The following EME2 variants were observed in gnomAD, a reference collection of about 807,000 sequenced individuals.
EME2 encodes structure-specific endonuclease subunit EME2.
EME2 carries 58 observed loss-of-function variants against 41.9 expected under a neutral mutation model. The ratio of observed to expected loss-of-function variants is 1.38; its 90% CI spans 1.12 to 1.72. The LOEUF (loss-of-function observed/expected upper bound fraction) is 1.72, where lower values mean the gene tolerates loss of function less well. EME2 is among the 40% of genes most tolerant of loss of function. The pLI, the probability that EME2 is intolerant of heterozygous loss-of-function variation, is 0.00. For missense variants in EME2, 695 were observed against 541.9 expected, an observed-to-expected ratio of 1.28 and a Z score of -2.81; for synonymous variants, 334 against 239.3, an observed-to-expected ratio of 1.40 and a Z score of -3.65.
Position 1,778,226 on chromosome 16 carries a change from C to T in EME2, c.*1988C>T, listed in dbSNP as rs1292747451. ...TTGGTGCCCCGGATGGCCGCTGTGCCGCAGCTGTACTCCATGTGGAAGCTG... is the reference window on the plus strand; with the variant it reads ...TTGGTGCCCCGGATGGCCGCTGTGCTGCAGCTGTACTCCATGTGGAAGCTG... On this transcript the variant is annotated 3_prime_UTR_variant, in exon 8 of 8. Transcript: ENST00000568449. The T allele has an allele frequency of 1.2e-6, 2 of 1,612,840 alleles. No individual in the cohort carries two copies. Among genetic ancestry groups the T allele is most frequent in the Non-Finnish European group, 1.7e-6 (2 of 1,179,978 alleles).
chr16:1,773,317 C>T lies in EME2; in HGVS notation c.90C>T (p.Thr30=). Reference sequence around the variant, plus strand: ...GGAGCGGTCAGCGGCGACCTCCAACCTGGGAGATCTCAGACTCCGACGCTG... The same window carrying T: ...GGAGCGGTCAGCGGCGACCTCCAACTTGGGAGATCTCAGACTCCGACGCTG... ...RGGSGQRRPP[T]WEISDSDAED... is the part of the protein sequence containing the mutation. The change falls in exon 1 of 8, where the codon ACC becomes ACT. Residue 30 remains threonine, a synonymous_variant. Coordinates refer to ENST00000568449, the MANE Select transcript of EME2 (RefSeq NM_001257370.2). The T allele has an allele frequency of 6.6e-7, 1 of 1,506,862 alleles. No individual in the cohort carries two copies. The allele number at this position is 1,506,862 out of a possible 1,614,324, so 93.3% of individuals were successfully genotyped here.
In EME2 at chr16:1,776,335, C is replaced by A; in HGVS notation, c.*97C>A. ...CCCCCAGCCACATGTGGACCCTCAG[C>A]CTGGGTGGGTTCTCTGGCTGAGCAG... On this transcript the variant is annotated 3_prime_UTR_variant, in exon 8 of 8. Coordinates refer to ENST00000568449, the MANE Select transcript of EME2 (RefSeq NM_001257370.2). The A allele has an allele frequency of 7.6e-7, 1 of 1,318,166 alleles. No homozygotes were observed. Among genetic ancestry groups the A allele is most frequent in the Non-Finnish European group, 1.1e-6 (1 of 939,390 alleles). The allele number at this position is 1,318,166 out of a possible 1,614,324, so 81.7% of individuals were successfully genotyped here. A position where few individuals can be genotyped will look rare whatever the true frequency, so the allele number is the denominator to read the frequency against.
Position 1,773,802 on chromosome 16 carries a change from G to A in EME2, c.345G>A (p.Leu115=). ...AGCCCCAGCGCCCGGCCCGCAGCCT[G>A]CGGTGGACCCGAGCGAGTCCCGACC... ...RIEPQRPARS[L]RWTRASPDPC... The change falls in exon 2 of 8, where the codon CTG becomes CTA. Residue 115 remains leucine, a synonymous_variant. Coordinates refer to ENST00000568449, the MANE Select transcript of EME2 (RefSeq NM_001257370.2). 1 of 1,557,100 alleles carries A rather than the reference G, an allele frequency of 6.4e-7. No homozygotes were observed. Among genetic ancestry groups the A allele is most frequent in the Admixed American group, 1.9e-5 (1 of 52,810 alleles).
Position 1,773,013 on chromosome 16 carries a change from A to T in EME2, c.-215A>T. 1 of 1,457,438 alleles carries T rather than the reference A, an allele frequency of 6.9e-7. No homozygotes were observed. 90.3% of individuals were successfully genotyped at this position (1,457,438 alleles called of 1,614,324 possible). ...CGGCCGCGTCAAGGTCTCGTAGTCC[A>T]CCGCGTAGAGCTGGGAGTCGCGCGG... On this transcript the variant is annotated 5_prime_UTR_variant, in exon 1 of 8. Transcript: ENST00000568449.
rs958183886 is a variant in EME2 at position 1,776,234 on chromosome 16, C to T, written c.1136C>T (p.Ser379Phe). Residue 379 changes from serine (S) to phenylalanine (F), a missense_variant, in exon 8 of 8, where the codon TCC (serine) becomes TTC (phenylalanine). Physicochemically the swap from Ser to Phe is radical, Grantham distance 155. Coordinates refer to ENST00000568449, the MANE Select transcript of EME2 (RefSeq NM_001257370.2). ...ANPDLLLDLG[S>F] ...CCTGATCTCCTGCTGGACCTGGGCT[C>T]CTGACCACACGTGGGACCACCAGGA... 6.2e-7 allele frequency: 1 copy of T among 1,612,420 alleles called. No homozygotes were observed. The highest frequency in any genetic ancestry group is 1.1e-5 in the South Asian group (1 of 91,068).
chr16:1,775,990 G>A lies in EME2; in HGVS notation c.969+4G>A. On this transcript the variant is annotated splice_donor_region_variant and intron_variant, in intron 7 of 7. Transcript: ENST00000568449. ...CTCCCCCCGCCTTCTGCAGCAGGTG[G>A]GCCCCTGCCTCCTCCAAGCCCTCCA... 1 of 1,607,912 alleles carries A rather than the reference G, an allele frequency of 6.2e-7. No homozygotes were observed. The highest frequency in any genetic ancestry group is 8.5e-7 in the Non-Finnish European group (1 of 1,178,886).
In EME2 at chr16:1,781,610, C is replaced by G. The variant is rs1276682989; in HGVS notation, c.*5372C>G. The G allele has an allele frequency of 8.7e-7, 1 of 1,155,486 alleles. No homozygotes were observed. The highest frequency in any genetic ancestry group is 1.6e-5 in the African/African-American group (1 of 63,880). 71.6% of individuals were successfully genotyped at this position (1,155,486 alleles called of 1,614,324 possible). ...GGGGACTGCAGGGGCCGCACCGGTG[C>G]CCAGCCAGGGCTCCAGAACGCTTCA... is the stretch of plus-strand genomic sequence containing the variant. On this transcript the variant is annotated 3_prime_UTR_variant, in exon 8 of 8. Transcript: ENST00000568449.
At position 1,778,121 on chromosome 16, in the gene EME2, C is replaced by A. The variant is rs200130779; in HGVS notation, c.*1883C>A. ...CAGGTTCCCCAGAAGCACCCTGGGC[C>A]GAAGCAACTTACCATGTCGGTGCCG... On this transcript the variant is annotated 3_prime_UTR_variant, in exon 8 of 8. Coordinates refer to ENST00000568449, the MANE Select transcript of EME2 (RefSeq NM_001257370.2). The A allele has an allele frequency of 2.3e-4, 372 of 1,612,624 alleles. 1 individual carries two copies. The highest frequency in any genetic ancestry group is 3.0e-4 in the Non-Finnish European group (354 of 1,179,740).
chr16:1,773,156 A>T lies in EME2; in HGVS notation c.-72A>T, dbSNP rs763000565. 9 of 1,401,590 alleles carry T rather than the reference A, an allele frequency of 6.4e-6. No homozygotes were observed. In the South Asian group the frequency reaches 1.4e-4, roughly 22 times the overall value. The allele number at this position is 1,401,590 out of a possible 1,614,324, so 86.8% of individuals were successfully genotyped here. ...GTCCTCAGCGGTCCGGCCGGAAGTCACCGGAAGAGGCCGGTGTCCCAGGCT... is the reference window on the plus strand; with the variant it reads ...GTCCTCAGCGGTCCGGCCGGAAGTCTCCGGAAGAGGCCGGTGTCCCAGGCT... On this transcript the variant is annotated 5_prime_UTR_variant, in exon 1 of 8. Transcript: ENST00000568449.
At chr16:1,774,532 G>A (rs927030199) in intron 3 of EME2, among the ~76,000 whole-genome samples, 180 bp downstream of exon 3, 5 of 152,240 alleles carry the variant, frequency 3.3e-5, no homozygotes, top group Non-Finnish European at 5.9e-5. Context: ...GAAAGCTCCT[G>A]GGCACCTGCG....
At position 1,781,653 on chromosome 16, in the gene EME2, C is replaced by G. The variant is rs1896718256; in HGVS notation, c.*5415C>G. 1.5e-6 allele frequency: 1 copy of G among 683,298 alleles called. No individual in the cohort carries two copies. The highest frequency in any genetic ancestry group is 2.5e-6 in the Non-Finnish European group (1 of 407,286). The allele number at this position is 683,298 out of a possible 1,614,324, so 42.3% of individuals were successfully genotyped here. A position where few individuals can be genotyped will look rare whatever the true frequency, so the allele number is the denominator to read the frequency against. On this transcript the variant is annotated 3_prime_UTR_variant, in exon 8 of 8. Coordinates refer to ENST00000568449, the MANE Select transcript of EME2 (RefSeq NM_001257370.2). ...ACGCTTCAGGAGCCCGTACCTCACT[C>G]CAGGATCTGAGCAGCTCAATAAAAC...
chr16:1,773,007 T>C lies in EME2; in HGVS notation c.-221T>C, dbSNP rs2042646992. 3 of 1,457,682 alleles carry C rather than the reference T, an allele frequency of 2.1e-6. No homozygotes were observed. The highest frequency in any genetic ancestry group is 2.7e-6 in the Non-Finnish European group (3 of 1,105,714). The allele number at this position is 1,457,682 out of a possible 1,614,324, so 90.3% of individuals were successfully genotyped here. A position where few individuals can be genotyped will look rare whatever the true frequency, so the allele number is the denominator to read the frequency against. On this transcript the variant is annotated 5_prime_UTR_variant, in exon 1 of 8. Transcript: ENST00000568449. ...AGAGAACGGCCGCGTCAAGGTCTCGTAGTCCACCGCGTAGAGCTGGGAGTC... is the reference window on the plus strand; with the variant it reads ...AGAGAACGGCCGCGTCAAGGTCTCGCAGTCCACCGCGTAGAGCTGGGAGTC...
rs749995544 is a variant in EME2, at chr16:1,773,074, G to T, written c.-154G>T. On this transcript the variant is annotated 5_prime_UTR_variant, in exon 1 of 8. Transcript: ENST00000568449. ...TGCTCCCGCAGGGCGCGCACGCGGC[G>T]GGCCAGCTCCGCGATCAGCCGCGGA... The T allele has an allele frequency of 4.2e-6, 6 of 1,413,996 alleles. No homozygotes were observed. In the African/African-American group the frequency reaches 9.1e-5, roughly 21 times the overall value. The allele number at this position is 1,413,996 out of a possible 1,614,324, so 87.6% of individuals were successfully genotyped here.
In EME2 at chr16:1,777,382, G is replaced by C. The variant is rs758311181; in HGVS notation, c.*1144G>C. On this transcript the variant is annotated 3_prime_UTR_variant, in exon 8 of 8. Coordinates refer to ENST00000568449, the MANE Select transcript of EME2 (RefSeq NM_001257370.2). ...AGCGGGTGACCTTCATGCTGCTCCGGGCCGCCGTGGAGCACACCATCGGGT... is the reference window on the plus strand; with the variant it reads ...AGCGGGTGACCTTCATGCTGCTCCGCGCCGCCGTGGAGCACACCATCGGGT... The C allele has an allele frequency of 1.3e-6, 2 of 1,597,216 alleles. No homozygotes were observed. Among genetic ancestry groups the C allele is most frequent in the South Asian group, 1.1e-5 (1 of 90,364 alleles).
In EME2 at chr16:1,779,527, A is replaced by T. The variant is rs147751468; in HGVS notation, c.*3289A>T. On this transcript the variant is annotated 3_prime_UTR_variant, in exon 8 of 8. Transcript: ENST00000568449. ...TCGAAAGCCAGCTTCAGGGCAGGAC[A>T]CTGTCCTTTCTGGAGGGGATGGCCC... 6 of 152,428 alleles carry T rather than the reference A, an allele frequency of 3.9e-5. No individual in the cohort carries two copies. Among genetic ancestry groups the T allele is most frequent in the East Asian group, 3.9e-4 (2 of 5,172 alleles). 9.4% of individuals were successfully genotyped at this position (152,428 alleles called of 1,614,324 possible).
chr16:1,777,830 C>T lies in EME2; in HGVS notation c.*1592C>T, dbSNP rs554439738. The T allele has an allele frequency of 9.9e-6, 16 of 1,612,832 alleles. 1 individual carries two copies. The highest frequency in any genetic ancestry group is 9.9e-5 in the South Asian group (9 of 91,056). Reference sequence around the variant, plus strand: ...GCCAATGATGGAGCCCTGGCCGAACCGCGATGAGAAGCTGGTCTTGTCGCC... The same window carrying T: ...GCCAATGATGGAGCCCTGGCCGAACTGCGATGAGAAGCTGGTCTTGTCGCC... On this transcript the variant is annotated 3_prime_UTR_variant, in exon 8 of 8. Coordinates refer to ENST00000568449, the MANE Select transcript of EME2 (RefSeq NM_001257370.2).
chr16:1,773,568 A>C, intron 1 of EME2, 94 bp downstream of exon 1: 2 of 1,514,670 alleles, frequency 1.3e-6, no homozygotes, highest in Non-Finnish European at 8.8e-7. Context: ...GCGCGTGCCG[A>C]GGGGCCTGGG....
Position 1,773,823 on chromosome 16 carries a change from C to G in EME2, c.366C>G (p.Pro122=). ...GCCTGCGGTGGACCCGAGCGAGTCC[C>G]GACCCCTGCCCCCGCAGCGTGAGTG... ...ARSLRWTRAS[P]DPCPRSLPPE... is the part of the protein sequence containing the mutation. Residue 122 remains proline (P), a synonymous_variant, in exon 2 of 8, where the codon CCC becomes CCG. Transcript: ENST00000568449. The G allele has an allele frequency of 6.4e-7, 1 of 1,552,756 alleles. No homozygotes were observed. Among genetic ancestry groups the G allele is most frequent in the Non-Finnish European group, 8.7e-7 (1 of 1,152,020 alleles).
Position 1,778,958 on chromosome 16 carries a change from G to T in EME2, c.*2720G>T. ...ACACCTTCCCTGCTAGGCCAGCCCTGCAGGGGCCCCCAGGCAAGGCCACCA... is the reference window on the plus strand; with the variant it reads ...ACACCTTCCCTGCTAGGCCAGCCCTTCAGGGGCCCCCAGGCAAGGCCACCA... On this transcript the variant is annotated 3_prime_UTR_variant, in exon 8 of 8. Transcript: ENST00000568449. 1 of 212,674 alleles carries T rather than the reference G, an allele frequency of 4.7e-6. No individual in the cohort carries two copies. The highest frequency in any genetic ancestry group is 9.3e-6 in the Non-Finnish European group (1 of 107,644). The allele number at this position is 212,674 out of a possible 1,614,324, so 13.2% of individuals were successfully genotyped here. A position where few individuals can be genotyped will look rare whatever the true frequency, so the allele number is the denominator to read the frequency against.
Sources: allele counts gnomAD v4.1 joint callset (sites outside exome capture counted in the v4.1 genomes callset), GRCh38; gene constraint gnomAD v4.1.1; transcripts MANE v1.5; gene names NCBI Gene and HGNC (gene_info 2026-07-23, HGNC 2026-07-21).